COL6A1: variants seen among roughly 807,000 people sequenced by gnomAD.
COL6A1 encodes the protein collagen type VI alpha 1 chain, also known as collagen alpha-1(VI) chain.
Under a neutral mutation model 145.6 loss-of-function variants are expected in COL6A1, and 80 were observed. The observed-to-expected ratio is 0.55, with a 90% CI of 0.46 to 0.66. The LOEUF is 0.66. COL6A1 is among the 30% of genes least tolerant of loss of function. The pLI is 0.00. For synonymous variants in COL6A1, 638 were observed against 622.8 expected (o/e 1.02, Z -0.36); for missense variants, 1,364 against 1,473.8 (o/e 0.93, Z 1.22).
chr21:46,002,693 C>T lies in COL6A1; in HGVS notation c.2417C>T (p.Thr806Ile). The change falls in exon 33 of 35, where the codon ACC becomes ATC. Residue 806 changes from threonine (T) to isoleucine (I), a missense_variant. By Grantham distance (89) the Thr-to-Ile change is moderately conservative. Coordinates refer to ENST00000361866, the MANE Select transcript of COL6A1 (RefSeq NM_001848.3). ...GAGGATGCCTTCCTGAAGAATGTCA[C>T]CGCCCAGATCTGCATAGGTGCGCAT... ...LLEDAFLKNV[T>I]AQICIDKKCP... 6.2e-7 allele frequency: 1 copy of T among 1,613,444 alleles called. No individual in the cohort carries two copies. Among genetic ancestry groups the T allele is most frequent in the Non-Finnish European group, 8.5e-7 (1 of 1,179,838 alleles).
intron 21 of COL6A1, 50 bp from the exon 22 acceptor site, chr21:45,997,650 A>G: frequency 6.4e-7 from 1 of 1,565,094 alleles, no homozygotes; most frequent in Non-Finnish European, 8.7e-7. Flanking sequence ...GCTTCCCTCC[A>G]AGGTCACCAT....
At chr21:46,002,104 C>A in intron 31 of COL6A1, 34 bp downstream of exon 31, 1 of 1,592,148 alleles carries the variant, frequency 6.3e-7, no homozygotes, top group South Asian at 1.1e-5. Context: ...CCCTCCCACC[C>A]CTCGCCCCGA....
In COL6A1 at chr21:46,003,620, G is replaced by A. The variant is rs372931456; in HGVS notation, c.2694G>A (p.Thr898=). ...RASLQFLQNY[T]ALASAVDAMD... is the part of the protein sequence containing the mutation. ...CGCTGCAGTTCCTGCAGAACTACAC[G>A]GCCCTGGCCAGTGCCGTCGATGCCA... The change falls in exon 35 of 35, where the codon ACG becomes ACA. Residue 898 remains threonine (T), a synonymous_variant. Transcript: ENST00000361866. 7.0e-5 allele frequency: 113 copies of A among 1,612,936 alleles called. No homozygotes were observed. The African/African-American group carries it at 1.1e-3, about 15-fold the overall frequency.
At chr21:46,001,441 G>T in intron 30 of COL6A1, 55 bp downstream of exon 30, 1 of 1,597,186 alleles carries the variant, frequency 6.3e-7, no homozygotes, top group Non-Finnish European at 8.5e-7. Context: ...CGACCCTGCC[G>T]GCCGCCCCTG....
chr21:45,992,847 G>A, intron 19 of COL6A1, 37 bp downstream of exon 19: 1 of 1,556,398 alleles, frequency 6.4e-7, no homozygotes. Context: ...ACCACCCCAG[G>A]AAGGGGCAGG....
Position 45,998,163 on chromosome 21 carries a change from G to A in COL6A1, c.1567G>A (p.Gly523Ser), listed in dbSNP as rs2123483067. The change falls in exon 23 of 35, where the codon GGC becomes AGC. Residue 523 changes from glycine (G) to serine (S), a missense_variant. Transcript: ENST00000361866. ...PAGNGTEGFP[G>S]FPGYPGNRGA... ...TGGAAATGGCACCGAGGGCTTCCCCGGCTTCCCCGTAAGTGTCCGGAGGCT... is the reference window on the plus strand; with the variant it reads ...TGGAAATGGCACCGAGGGCTTCCCCAGCTTCCCCGTAAGTGTCCGGAGGCT... The A allele has an allele frequency of 1.9e-6, 3 of 1,612,226 alleles. No individual in the cohort carries two copies. The highest frequency in any genetic ancestry group is 2.5e-6 in the Non-Finnish European group (3 of 1,179,700).
chr21:45,996,414 G>A (rs2077804832), intron 20 of COL6A1, among the ~76,000 whole-genome samples: 1 of 152,260 alleles, frequency 6.6e-6, no homozygotes, highest in Admixed American at 6.5e-5. Flanking sequence ...CACAGTCGGG[G>A]TAGAGAGAGC....
At chr21:45,991,968 C>T in intron 15 of COL6A1, 42 bp from the exon 16 acceptor site, 2 of 1,549,646 alleles carry the variant, frequency 1.3e-6, no homozygotes, top group South Asian at 1.2e-5. Context: ...ACCCCTGGTG[C>T]ACACCCCTGC....
chr21:45,999,489 C>T, intron 26 of COL6A1, 168 bp from the exon 27 acceptor site: 1 of 834,008 alleles, frequency 1.2e-6, no homozygotes, highest in Non-Finnish European at 2.0e-6. Flanking sequence ...TGCGAAGCCC[C>T]AGCTGCCCTC....
rs111272310 is a variant in COL6A1, at chr21:45,984,600, C to T, written c.428+131C>T. On this transcript the variant is annotated intron_variant, in intron 3 of 34. Coordinates refer to ENST00000361866, the MANE Select transcript of COL6A1 (RefSeq NM_001848.3). ...GTTCTCTTGGAGGCTGCACGGCCTC[C>T]CTGACCCACTTTGTGGGCAGGAAAG... The T allele has an allele frequency of 3.6e-3, 2,893 of 813,348 alleles. 54 individuals are homozygous for T. The African/African-American group carries it at 0.044, about 12-fold the overall frequency. The allele number at this position is 813,348 out of a possible 1,614,324, so 50.4% of individuals were successfully genotyped here.
intron 19 of COL6A1, among the ~76,000 whole-genome samples, chr21:45,993,524 G>T (rs1026234660): frequency 6.6e-6 from 1 of 152,246 alleles, no homozygotes; most frequent in Non-Finnish European, 1.5e-5. Context: ...CCCCTTGTCC[G>T]AGAATCAAGA....
intron 27 of COL6A1, 40 bp from the exon 28 acceptor site, chr21:46,000,291 G>T: frequency 6.2e-7 from 1 of 1,612,338 alleles, no homozygotes; most frequent in African/African-American, 1.3e-5. Flanking sequence ...GCTGGGAGGG[G>T]CTGTCTATGG....
intron 33 of COL6A1, 95 bp from the exon 34 acceptor site, chr21:46,003,025 C>T: frequency 6.3e-7 from 1 of 1,576,690 alleles, no homozygotes; most frequent in Admixed American, 1.7e-5. Context: ...GGGGCACGGC[C>T]ACCCCTGTGC....
rs150326020 is a variant in COL6A1 at position 46,000,190 on chromosome 21, C to T, written c.1777-141C>T. 1.4e-4 allele frequency: 132 copies of T among 911,424 alleles called. 1 individual carries two copies. The highest frequency in any genetic ancestry group is 1.4e-3 in the African/African-American group (87 of 61,246). 56.5% of individuals were successfully genotyped at this position (911,424 alleles called of 1,614,324 possible). A position where few individuals can be genotyped will look rare whatever the true frequency, so the allele number is the denominator to read the frequency against. On this transcript the variant is annotated intron_variant, in intron 27 of 34. Transcript: ENST00000361866. ...GTAGCAGGGGTGTAGTGGGCAGAGC[C>T]GGGCACACCTGCAAAGAACCTCCTG...
At position 46,001,241 on chromosome 21, in the gene COL6A1, C is replaced by T. The variant is rs781540337; in HGVS notation, c.1823-12C>T. The T allele has an allele frequency of 2.1e-5, 33 of 1,602,130 alleles. No homozygotes were observed. Among genetic ancestry groups the T allele is most frequent in the Non-Finnish European group, 2.8e-5 (33 of 1,178,344 alleles). The stretch of plus-strand genomic sequence containing the variant: ...GAGGGGCGTGCTCTGCTGACACCGC[C>T]CCCGCCTGCAGAATGCAAGTGCGGC... On this transcript the variant is annotated splice_polypyrimidine_tract_variant and intron_variant, in intron 29 of 34. Coordinates refer to ENST00000361866, the MANE Select transcript of COL6A1 (RefSeq NM_001848.3).
At chr21:45,996,631 AGGT>A (rs2077806237) in intron 20 of COL6A1, among the ~76,000 whole-genome samples, 1 of 145,848 alleles carries the variant, frequency 6.9e-6, no homozygotes, top group African/African-American at 2.7e-5. Context: ...GGCTGGGGCC[AGGT>A]GGGCCAGGTG....
At chr21:45,993,339 G>A (rs1389483104) in intron 19 of COL6A1, among the ~76,000 whole-genome samples, 1 of 152,232 alleles carries the variant, frequency 6.6e-6, no homozygotes, top group East Asian at 1.9e-4. Flanking sequence ...CTCTGTCCCT[G>A]TGACTTGCTG....
At chr21:45,993,999 C>T (rs1167692535) in intron 19 of COL6A1, among the ~76,000 whole-genome samples, 168 bp from the exon 20 acceptor site, 2 of 152,188 alleles carry the variant, frequency 1.3e-5, no homozygotes, top group Non-Finnish European at 1.5e-5. Context: ...TGGCCACGCA[C>T]GTGGGCCGAG....
At position 45,981,917 on chromosome 21, in the gene COL6A1, C is replaced by A. The variant is rs770178435; in HGVS notation, c.67C>A (p.Pro23Thr). 1 of 1,607,394 alleles carries A rather than the reference C, an allele frequency of 6.2e-7. No individual in the cohort carries two copies. Among genetic ancestry groups the A allele is most frequent in the Non-Finnish European group, 8.5e-7 (1 of 1,178,208 alleles). ...CTGCTGGACAGCCGCGCAGGATGAG[C>A]CGGAGACCCCGAGGGCCGTGGCCTT... ...QACWTAAQDE[P>T]ETPRAVAFQD... The change falls in exon 1 of 35, where the codon CCG becomes ACG. Residue 23 changes from proline to threonine, a missense_variant. By Grantham distance (38) the Pro-to-Thr change is conservative. Transcript: ENST00000361866.
Sources: allele counts gnomAD v4.1 joint callset (sites outside exome capture counted in the v4.1 genomes callset), GRCh38; gene constraint gnomAD v4.1.1; transcripts MANE v1.5; gene names NCBI Gene and HGNC (gene_info 2026-07-23, HGNC 2026-07-21).